C2orf42: variants seen among roughly 807,000 people sequenced by gnomAD.
The protein encoded by C2orf42 is uncharacterized protein C2orf42.
A neutral mutation model predicts 58.9 loss-of-function variants in C2orf42; 44 were observed. The observed-to-expected ratio is 0.75, with a 90% CI of 0.59 to 0.96. C2orf42 has a LOEUF of 0.96. Ranked by LOEUF, C2orf42 falls within the 40% of genes least tolerant of loss-of-function variation. C2orf42 has a pLI of 0.00. For synonymous variants in C2orf42, 239 were observed against 265.4 expected (o/e 0.90, Z 0.97); for missense variants, 630 against 699.2 (o/e 0.90, Z 1.12).
At chr2:70,155,965 G>C (rs1386035227) in intron 9 of C2orf42, among the ~76,000 whole-genome samples, 1 of 152,072 alleles carries the variant, frequency 6.6e-6, no homozygotes, top group Non-Finnish European at 1.5e-5. Context: ...AGACCAGTCT[G>C]ACCAATGTGG....
intron 4 of C2orf42, among the ~76,000 whole-genome samples, chr2:70,177,081 G>C (rs1674240350): frequency 6.6e-6 from 1 of 151,990 alleles, no homozygotes; most frequent in Admixed American, 6.6e-5. Flanking sequence ...AGACCAGTCT[G>C]GCCAACATGG....
Position 70,179,618 on chromosome 2 carries a change from TG to T in C2orf42, c.847del (p.Gln283SerfsTer2). 6.7e-7 allele frequency: 1 copy of T among 1,501,056 alleles called. No homozygotes were observed. Among genetic ancestry groups the T allele is most frequent in the Non-Finnish European group, 9.3e-7 (1 of 1,078,318 alleles). 93.0% of individuals were successfully genotyped at this position (1,501,056 alleles called of 1,614,324 possible). A position where few individuals can be genotyped will look rare whatever the true frequency, so the allele number is the denominator to read the frequency against. On this transcript the variant is annotated frameshift_variant, in exon 4 of 10. Transcript: ENST00000264434. LOFTEE classifies it high-confidence loss of function. ...TGTTGATTCTGAATGGCAACCTAAC[TG>T]GGGTACAATAATCTCTTTAAGACCT... ...SSGLKEIIVP[Q>X]LGCHSESTVS...
At chr2:70,151,583 A>G (rs970533981) in intron 9 of C2orf42, among the ~76,000 whole-genome samples, 63 of 151,882 alleles carry the variant, frequency 4.1e-4, no homozygotes, top group Non-Finnish European at 1.3e-4. Context: ...TCAGTGAGCC[A>G]AGATCGCACC....
chr2:70,175,586 G>T (rs1674133026), intron 5 of C2orf42, 87 bp downstream of exon 5: 2 of 816,162 alleles, frequency 2.5e-6, no homozygotes. Flanking sequence ...GGACTCTTTG[G>T]GTGACAATGT....
chr2:70,164,893 C>T (rs1382929998), intron 8 of C2orf42, among the ~76,000 whole-genome samples, 199 bp downstream of exon 8: 1 of 151,858 alleles, frequency 6.6e-6, no homozygotes, highest in Non-Finnish European at 1.5e-5. Context: ...ATTTAAGATA[C>T]TTTTTTCAAG....
At chr2:70,157,917 A>C (rs1672785173) in intron 9 of C2orf42, among the ~76,000 whole-genome samples, 1 of 152,060 alleles carries the variant, frequency 6.6e-6, no homozygotes, top group Admixed American at 6.6e-5. Context: ...GAAAGAAATT[A>C]AGGCCGGGCT....
intron 9 of C2orf42, among the ~76,000 whole-genome samples, chr2:70,150,838 C>T (rs1200148460): frequency 4.6e-5 from 7 of 152,142 alleles, no homozygotes; most frequent in South Asian, 2.1e-4. Flanking sequence ...CTTTGCCTCC[C>T]GGGTTCAAGC....
rs767316550 is a variant in C2orf42 at position 70,150,410 on chromosome 2, G to A, written c.1671C>T (p.Pro557=). The A allele has an allele frequency of 2.3e-5, 37 of 1,614,122 alleles. No individual in the cohort carries two copies. In the South Asian group the frequency reaches 3.8e-4, roughly 17 times the overall value. The change falls in exon 10 of 10, where the codon CCC becomes CCT. Residue 557 remains proline (P), a synonymous_variant. Coordinates refer to ENST00000264434, the MANE Select transcript of C2orf42 (RefSeq NM_017880.3). ...GHVAEYQDQR[P]PLDQPLELAP... ...CCAGTTCCAAGGGCTGGTCCAAGGG[G>A]GGCCGCTGGTCTTGGTACTCCGCCA...
intron 5 of C2orf42, among the ~76,000 whole-genome samples, chr2:70,170,205 C>T (rs1159145711): frequency 6.7e-6 from 1 of 149,624 alleles, no homozygotes; most frequent in Non-Finnish European, 1.5e-5. Context: ...AAACTTGAAG[C>T]TGAACTTCAA....
chr2:70,184,987 G>A (rs1367166046), intron 1 of C2orf42, among the ~76,000 whole-genome samples: 2 of 152,028 alleles, frequency 1.3e-5, no homozygotes, highest in African/African-American at 2.4e-5. Flanking sequence ...CTACTTGGGA[G>A]GCTGAGGCAG....
chr2:70,183,829 A>G lies in C2orf42; in HGVS notation c.-281-894T>C, dbSNP rs546681440. ...ACATCACATTTTGAGTGCTTTATGC[A>G]TTTTTCTGCTCTCTTACCCAGGCTG... On this transcript the variant is annotated intron_variant, in intron 1 of 9. Coordinates refer to ENST00000264434, the MANE Select transcript of C2orf42 (RefSeq NM_017880.3). Among the ~76,000 whole-genome samples, 15 of 147,888 alleles carry G rather than the reference A, an allele frequency of 1.0e-4. No homozygotes were observed. In the East Asian group the frequency reaches 3.1e-3, roughly 31 times the overall value.
rs1413778216 is a variant in C2orf42 at position 70,181,629 on chromosome 2, T to C, written c.357A>G (p.Ser119=). ...CGCCTTGAGTGGCAGCTTTCAGGCA[T>C]GAGGGGACATAACACCGTCCAGAGC... The part of the protein sequence containing the change: ...QLSSGRCYVP[S]CLKAATQGVV... The change falls in exon 3 of 10, where the codon TCA becomes TCG. Residue 119 remains serine (S), a synonymous_variant. Coordinates refer to ENST00000264434, the MANE Select transcript of C2orf42 (RefSeq NM_017880.3). The C allele has an allele frequency of 1.2e-6, 2 of 1,614,124 alleles. No individual in the cohort carries two copies. Among genetic ancestry groups the C allele is most frequent in the African/African-American group, 1.3e-5 (1 of 75,042 alleles).
chr2:70,155,004 G>A (rs531229933), intron 9 of C2orf42, among the ~76,000 whole-genome samples: 81 of 152,126 alleles, frequency 5.3e-4, no homozygotes, highest in Non-Finnish European at 1.0e-3. Flanking sequence ...CCAGCACTTT[G>A]GGAGGCCAAG....
intron 9 of C2orf42, among the ~76,000 whole-genome samples, chr2:70,155,073 G>C (rs1442448253): frequency 6.6e-6 from 1 of 151,802 alleles, no homozygotes; most frequent in African/African-American, 2.4e-5. Flanking sequence ...GTGAAACCCC[G>C]TCTCTACTAA....
Position 70,179,596 on chromosome 2 carries a change from T to G in C2orf42, c.870A>C (p.Ser290=), listed in dbSNP as rs1674415617. ...IVPQLGCHSE[S]TVSACESTAS... ...CAGTAGACTCACAAGCAGATACTGT[T>G]GATTCTGAATGGCAACCTAACTGGG... The change falls in exon 4 of 10, where the codon TCA becomes TCC. Residue 290 remains serine (S), a synonymous_variant. Transcript: ENST00000264434. 2 of 1,566,280 alleles carry G rather than the reference T, an allele frequency of 1.3e-6. No individual in the cohort carries two copies. Among genetic ancestry groups the G allele is most frequent in the African/African-American group, 1.4e-5 (1 of 73,968 alleles).
At position 70,160,698 on chromosome 2, in the gene C2orf42, T is replaced by C. The variant is rs754345567; in HGVS notation, c.1443A>G (p.Ile481Met). 46 of 1,613,504 alleles carry C rather than the reference T, an allele frequency of 2.9e-5. No homozygotes were observed. The East Asian group carries it at 1.0e-3, about 36-fold the overall frequency. The change falls in exon 9 of 10, where the codon ATA becomes ATG. Residue 481 changes from isoleucine to methionine, a missense_variant. Ile to Met is a conservative substitution (Grantham distance 10). Coordinates refer to ENST00000264434, the MANE Select transcript of C2orf42 (RefSeq NM_017880.3). ...FKCPKVEVES[I>M]AETYGRIEKQ... The stretch of plus-strand genomic sequence containing the variant: ...TTTCTATACGACCGTAGGTTTCTGC[T>C]ATGCTTTCTACTTCCACTTTAGGGC...
chr2:70,172,686 CA>C (rs911481895), intron 5 of C2orf42, among the ~76,000 whole-genome samples: 2 of 151,966 alleles, frequency 1.3e-5, no homozygotes, highest in African/African-American at 2.4e-5. Flanking sequence ...AAAAACACAA[CA>C]AAAAAATACC....
At chr2:70,179,443 T>C in intron 4 of C2orf42, 89 bp downstream of exon 4, 1 of 470,720 alleles carries the variant, frequency 2.1e-6, no homozygotes, top group East Asian at 3.3e-5. Flanking sequence ...AGTATTTTCT[T>C]ATAATTGCTG....
At chr2:70,160,887 G>T in intron 8 of C2orf42, 100 bp from the exon 9 acceptor site, 1 of 735,436 alleles carries the variant, frequency 1.4e-6, no homozygotes, top group Non-Finnish European at 2.1e-6. Context: ...CTTCTTTCTT[G>T]TTAAGTATAT....
Sources: gnomAD v4.1 joint callset for allele counts (sites outside exome capture counted in the v4.1 genomes callset) on GRCh38, gnomAD v4.1.1 for gene constraint, MANE v1.5 for transcripts, NCBI Gene and HGNC (gene_info 2026-07-23, HGNC 2026-07-21) for gene names.